The following MASP1 variants were observed in gnomAD, a reference collection of about 807,000 sequenced individuals.
MASP1 encodes mannan-binding lectin serine protease 1.
MASP1 carries 59 observed loss-of-function variants against 77.1 expected under a neutral mutation model. The ratio of observed to expected loss-of-function variants is 0.77; its 90% CI spans 0.62 to 0.95. The LOEUF (loss-of-function observed/expected upper bound fraction) is 0.95, where lower values mean the gene tolerates loss of function less well. Ranked by LOEUF, MASP1 falls within the 40% of genes least tolerant of loss-of-function variation. The pLI, the probability that MASP1 is intolerant of heterozygous loss-of-function variation, is 0.00. For synonymous variants in MASP1, 362 were observed against 354.5 expected (o/e 1.02, Z -0.24); for missense variants, 885 against 912.9 (o/e 0.97, Z 0.39).
chr3:187,249,219 G>A (rs1714357932), intron 8 of MASP1, among the ~76,000 whole-genome samples: 2 of 152,076 alleles, frequency 1.3e-5, no homozygotes, highest in Admixed American at 1.3e-4. Flanking sequence ...CACCATGCCT[G>A]GCTAATTTTT....
intron 2 of MASP1, among the ~76,000 whole-genome samples, chr3:187,274,079 G>A (rs1021125375): frequency 6.6e-6 from 1 of 152,140 alleles, no homozygotes; most frequent in South Asian, 2.1e-4. Flanking sequence ...GTCCTGGCGG[G>A]CACCTGTAAT....
intron 5 of MASP1, among the ~76,000 whole-genome samples, chr3:187,255,926 G>T (rs1264270913): frequency 6.6e-6 from 1 of 151,650 alleles, no homozygotes; most frequent in Non-Finnish European, 1.5e-5. Context: ...CCCAGCTCAG[G>T]GTCTCTTCTG....
At chr3:187,245,404 T>C (rs541957283) in intron 8 of MASP1, among the ~76,000 whole-genome samples, 4 of 152,268 alleles carry the variant, frequency 2.6e-5, no homozygotes, top group African/African-American at 9.6e-5. Context: ...GAGCCTGTTA[T>C]GTGGCTGATG....
intron 2 of MASP1, among the ~76,000 whole-genome samples, chr3:187,275,291 G>A (rs1056262643): frequency 2.6e-5 from 4 of 152,316 alleles, no homozygotes; most frequent in South Asian, 2.1e-4. Context: ...AGAAGGGGCC[G>A]CCTTGGGCCA....
intron 10 of MASP1, among the ~76,000 whole-genome samples, chr3:187,238,160 C>T (rs1713327198): frequency 6.6e-6 from 1 of 152,210 alleles, no homozygotes; most frequent in Admixed American, 6.5e-5. Context: ...ATGGCTTGGT[C>T]CATGGTCACA....
intron 10 of MASP1, among the ~76,000 whole-genome samples, chr3:187,238,922 G>A (rs558464101): frequency 6.6e-6 from 1 of 152,164 alleles, no homozygotes; most frequent in African/African-American, 2.4e-5. Flanking sequence ...TGCGAAGAGA[G>A]AATTTACAAA....
At chr3:187,222,009 C>T (rs1712088633) in intron 14 of MASP1, among the ~76,000 whole-genome samples, 3 of 152,142 alleles carry the variant, frequency 2.0e-5, no homozygotes, top group Admixed American at 2.0e-4. Context: ...ACTCCTGTTG[C>T]CCTTGCTGGG....
rs1056484125 is a variant in MASP1 at position 187,243,354 on chromosome 3, CG to C, written c.1228+129del. ...GAGAACCTGAGATGTGTGAGTGACA[CG>C]TTTTGCATTATCAGGCTCTACACAC... On this transcript the variant is annotated intron_variant, in intron 9 of 10. Transcript: ENST00000296280. The C allele has an allele frequency of 1.5e-4, 136 of 907,468 alleles. No individual in the cohort carries two copies. In the Middle Eastern group the frequency reaches 4.7e-3, roughly 32 times the overall value. The allele number at this position is 907,468 out of a possible 1,614,324, so 56.2% of individuals were successfully genotyped here.
chr3:187,268,834 A>C (rs1335515646), intron 2 of MASP1, among the ~76,000 whole-genome samples: 1 of 152,202 alleles, frequency 6.6e-6, no homozygotes, highest in African/African-American at 2.4e-5. Context: ...TGGGAGGCCA[A>C]GGTGGGTGGA....
Position 187,243,997 on chromosome 3 carries a change from G to A in MASP1, c.1091-376C>T, listed in dbSNP as rs73886120. 734 of 278,578 alleles carry A rather than the reference G, an allele frequency of 2.6e-3. 3 individuals are homozygous for A. Among genetic ancestry groups the A allele is most frequent in the African/African-American group, 0.014 (653 of 46,584 alleles). The allele number at this position is 278,578 out of a possible 1,614,324, so 17.3% of individuals were successfully genotyped here. ...TCTGCCTCTTCTGCCCAAGAATGAAGCCCTTGGCTTAGTGAGAAAACTCTA... is the reference window on the plus strand; with the variant it reads ...TCTGCCTCTTCTGCCCAAGAATGAAACCCTTGGCTTAGTGAGAAAACTCTA... On this transcript the variant is annotated intron_variant, in intron 8 of 10. Coordinates refer to ENST00000296280, the MANE Select transcript of MASP1 (RefSeq NM_139125.4).
Position 187,234,934 on chromosome 3 carries a change from G to A in MASP1, c.*750C>T, listed in dbSNP as rs750163605. The A allele has an allele frequency of 5.4e-6, 7 of 1,287,162 alleles. No homozygotes were observed. The South Asian group carries it at 8.6e-5, about 16-fold the overall frequency. 79.7% of individuals were successfully genotyped at this position (1,287,162 alleles called of 1,614,324 possible). ...CAGGGTGGCATATGGGCCCAAATGT[G>A]TTCTGAGTTGACAATGGGAATTTAA... On this transcript the variant is annotated 3_prime_UTR_variant, in exon 11 of 11. Coordinates refer to ENST00000296280, the MANE Select transcript of MASP1 (RefSeq NM_139125.4).
At chr3:187,238,246 G>C (rs372751721) in intron 10 of MASP1, among the ~76,000 whole-genome samples, 1 of 152,254 alleles carries the variant, frequency 6.6e-6, no homozygotes. Context: ...ATCAGATCTG[G>C]AGAGACCTTG....
intron 8 of MASP1, among the ~76,000 whole-genome samples, chr3:187,245,374 C>A (rs1713990564): frequency 6.6e-6 from 1 of 152,082 alleles, no homozygotes. Context: ...TTTAGTGTGG[C>A]TAGATGGACG....
At chr3:187,230,440 C>T (rs116206084), downstream of MASP1, among the ~76,000 whole-genome samples, 1 of 152,322 alleles carries the variant, frequency 6.6e-6, no homozygotes, top group African/African-American at 2.4e-5. Context: ...CCTTTTGGTA[C>T]AGCCTTTTCA....
chr3:187,276,471 G>A (rs1035827711), intron 2 of MASP1: 23 of 152,140 alleles, frequency 1.5e-4, no homozygotes, highest in African/African-American at 5.3e-4. Context: ...TAAGCACATC[G>A]AAGTAAAGTC....
chr3:187,241,380 A>C (rs1382029963), intron 10 of MASP1, 101 bp downstream of exon 10: 1 of 913,678 alleles, frequency 1.1e-6, no homozygotes, highest in Non-Finnish European at 1.8e-6. Context: ...CCAAAGCATC[A>C]CCTCCCCTGT....
chr3:187,262,503 A>C, intron 3 of MASP1, 40 bp downstream of exon 3: 2 of 1,604,838 alleles, frequency 1.2e-6, no homozygotes, highest in Non-Finnish European at 1.7e-6. Context: ...CTTCGGAGAG[A>C]GAGAGAGAGA....
chr3:187,220,381 A>C (rs1711974548), intron 15 of MASP1: 3 of 845,674 alleles, frequency 3.5e-6, no homozygotes, highest in Non-Finnish European at 5.6e-6. Flanking sequence ...AGACCGTTGG[A>C]CCCAAACCTC....
intron 2 of MASP1, among the ~76,000 whole-genome samples, chr3:187,270,413 A>G (rs1716424484): frequency 6.6e-6 from 1 of 152,136 alleles, no homozygotes; most frequent in Non-Finnish European, 1.5e-5. Context: ...CTGTCTGATC[A>G]TCTTGGCCTG....
Sources: gnomAD v4.1 joint callset for allele counts (sites outside exome capture counted in the v4.1 genomes callset) on GRCh38, gnomAD v4.1.1 for gene constraint, MANE v1.5 for transcripts, NCBI Gene and HGNC (gene_info 2026-07-23, HGNC 2026-07-21) for gene names.